Variants in MAPK10 observed in about 807,000 individuals in gnomAD.
MAPK10 encodes mitogen-activated protein kinase 10.
A neutral mutation model predicts 59.3 loss-of-function variants in MAPK10; 25 were observed. That is an observed-to-expected ratio of 0.42 (90% CI 0.31 to 0.59). The LOEUF (loss-of-function observed/expected upper bound fraction) is 0.59. Among genes scored for constraint, MAPK10 ranks in the 20% least tolerant of loss-of-function variants. The pLI is 0.15. For synonymous variants in MAPK10, 190 were observed against 200.5 expected, an observed-to-expected ratio of 0.95 and a Z score of 0.44; for missense variants, 351 against 568.9, an observed-to-expected ratio of 0.62 and a Z score of 3.90.
intron 4 of MAPK10, among the ~76,000 whole-genome samples, chr4:86,156,297 A>T (rs997493951): frequency 6.6e-6 from 1 of 152,060 alleles, no homozygotes; most frequent in Admixed American, 6.6e-5. Flanking sequence ...AGGTTGGTTA[A>T]CATAAAATGT....
At chr4:86,480,660 CCTG>C (rs1428698686) in intron 1 of MAPK10, among the ~76,000 whole-genome samples, 1 of 152,048 alleles carries the variant, frequency 6.6e-6, no homozygotes, top group Non-Finnish European at 1.5e-5. Flanking sequence ...TTCCATAACC[CCTG>C]CTGGAGTTCA....
intron 2 of MAPK10, among the ~76,000 whole-genome samples, chr4:86,336,956 A>T (rs2148928396): frequency 6.6e-6 from 1 of 151,826 alleles, no homozygotes; most frequent in Middle Eastern, 3.4e-3. Flanking sequence ...GCGCCTGCTA[A>T]TTTTTTGTAT....
chr4:86,547,561 C>G (rs112182065), intron 1 of MAPK10, among the ~76,000 whole-genome samples: 5 of 152,148 alleles, frequency 3.3e-5, no homozygotes, highest in Admixed American at 6.5e-5. Flanking sequence ...GCTCCTGTGC[C>G]GCGGAGCCTC....
At chr4:86,246,283 T>C (rs893597324) in intron 2 of MAPK10, among the ~76,000 whole-genome samples, 1 of 151,978 alleles carries the variant, frequency 6.6e-6, no homozygotes, top group Non-Finnish European at 1.5e-5. Flanking sequence ...CACAAAAAAT[T>C]AGCCAGGCAT....
rs538760386 is a variant in MAPK10 at position 86,047,459 on chromosome 4, A to G, written c.1111-16028T>C. Among the ~76,000 whole-genome samples, 4 of 152,284 alleles carry G rather than the reference A, an allele frequency of 2.6e-5. No individual in the cohort carries two copies. The South Asian group carries it at 6.2e-4, about 24-fold the overall frequency. On this transcript the variant is annotated intron_variant, in intron 11 of 13. Coordinates refer to ENST00000641462, the MANE Select transcript of MAPK10 (RefSeq NM_138982.4). Reference sequence around the variant, plus strand: ...TGCCATATACTGGTGCAGAGTGGAAAAGGGAAGCCTAAAGGTGATATCAGA... The same window carrying G: ...TGCCATATACTGGTGCAGAGTGGAAGAGGGAAGCCTAAAGGTGATATCAGA...
At chr4:86,322,321 A>G (rs2095914058) in intron 2 of MAPK10, among the ~76,000 whole-genome samples, 1 of 152,214 alleles carries the variant, frequency 6.6e-6, no homozygotes, top group Non-Finnish European at 1.5e-5. Flanking sequence ...TTACACATGA[A>G]GCATTTTAGA....
rs1203939516 is a variant in MAPK10 at position 86,172,439 on chromosome 4, T to C, written c.67-12972A>G. Reference sequence around the variant, plus strand: ...GTCCTTTGTAGGGACATGGATGAAATTGGAAATCATCATTCACAGTAAACT... The same window carrying C: ...GTCCTTTGTAGGGACATGGATGAAACTGGAAATCATCATTCACAGTAAACT... On this transcript the variant is annotated intron_variant, in intron 3 of 13. Transcript: ENST00000641462. 4.6e-5 allele frequency among the ~76,000 whole-genome samples: 7 copies of C among 150,724 alleles called. No individual in the cohort carries two copies. In the East Asian group the frequency reaches 7.8e-4, roughly 17 times the overall value.
chr4:86,350,475 A>G (rs576374110), intron 2 of MAPK10, among the ~76,000 whole-genome samples: 18 of 152,120 alleles, frequency 1.2e-4, no homozygotes, highest in South Asian at 6.2e-4. Flanking sequence ...CGGCCTCCCA[A>G]AGTGCTGGGA....
intron 11 of MAPK10, among the ~76,000 whole-genome samples, chr4:86,034,793 G>A (rs570935558): frequency 2.0e-5 from 3 of 152,216 alleles, no homozygotes; most frequent in African/African-American, 7.2e-5. Flanking sequence ...TTCAGTGAGC[G>A]AAAGATGTGT....
chr4:86,547,115 C>T (rs1399790533), intron 1 of MAPK10, among the ~76,000 whole-genome samples: 1 of 152,220 alleles, frequency 6.6e-6, no homozygotes, highest in Non-Finnish European at 1.5e-5. Context: ...GACTAGTTAT[C>T]CTCTGCTTTT....
Position 86,073,972 on chromosome 4 carries a change from C to G in MAPK10, c.803-6017G>C, listed in dbSNP as rs745882195. ...CTTGTTGACTTTCTGTCTCGTTGATCTGTCTAATGTTGACAGTGGGGTGTT... is the reference window on the plus strand; with the variant it reads ...CTTGTTGACTTTCTGTCTCGTTGATGTGTCTAATGTTGACAGTGGGGTGTT... On this transcript the variant is annotated intron_variant, in intron 9 of 13. Transcript: ENST00000641462. Among the ~76,000 whole-genome samples, 466 of 100,886 alleles carry G rather than the reference C, an allele frequency of 4.6e-3. 19 individuals are homozygous for G. The highest frequency in any genetic ancestry group is 7.8e-3 in the Non-Finnish European group (381 of 48,634). The allele number at this position is 100,886 out of a possible 152,430, so 66.2% of individuals were successfully genotyped here.
At chr4:86,287,135 G>C (rs2095045209) in intron 2 of MAPK10, among the ~76,000 whole-genome samples, 2 of 152,002 alleles carry the variant, frequency 1.3e-5, no homozygotes, top group African/African-American at 4.8e-5. Context: ...TAAGGAAAGA[G>C]GATCATGAAA....
At chr4:86,052,481 A>C (rs1033985158) in intron 11 of MAPK10, among the ~76,000 whole-genome samples, 3 of 152,064 alleles carry the variant, frequency 2.0e-5, no homozygotes, top group African/African-American at 7.2e-5. Context: ...TATTGATAGA[A>C]AATTTTGGGA....
intron 4 of MAPK10, among the ~76,000 whole-genome samples, chr4:86,153,183 G>C (rs372147671): frequency 6.6e-6 from 1 of 152,116 alleles, no homozygotes; most frequent in Non-Finnish European, 1.5e-5. Context: ...TAATCTTTAG[G>C]AGGGAAGTTG....
At chr4:86,583,307 G>C (rs1037735184) in intron 1 of MAPK10, among the ~76,000 whole-genome samples, 14 of 152,074 alleles carry the variant, frequency 9.2e-5, no homozygotes, top group African/African-American at 3.1e-4. Flanking sequence ...ACAGGCGTGA[G>C]TCACCACGCC....
chr4:86,180,387 T>G (rs187289650), intron 3 of MAPK10, among the ~76,000 whole-genome samples: 9 of 151,408 alleles, frequency 5.9e-5, no homozygotes, highest in Admixed American at 4.0e-4. Context: ...TTGGTGGGAA[T>G]GTAAACTAGT....
At chr4:86,107,084 G>C (rs2056678635) in intron 5 of MAPK10, 139 bp downstream of exon 5, 1 of 613,346 alleles carries the variant, frequency 1.6e-6, no homozygotes. Flanking sequence ...ATCGAATGTA[G>C]CATATTGGCA....
chr4:86,240,389 G>A (rs1429357634), intron 2 of MAPK10, among the ~76,000 whole-genome samples: 1 of 152,132 alleles, frequency 6.6e-6, no homozygotes, highest in Non-Finnish European at 1.5e-5. Flanking sequence ...CTGAGTTCAC[G>A]TCCCAAATAT....
intron 4 of MAPK10, among the ~76,000 whole-genome samples, chr4:86,115,765 G>T (rs2058212008): frequency 6.6e-6 from 1 of 152,132 alleles, no homozygotes; most frequent in Non-Finnish European, 1.5e-5. Flanking sequence ...CCGGCCTGGA[G>T]CTGCTTCTAA....
Sources: gnomAD v4.1 joint callset for allele counts (sites outside exome capture counted in the v4.1 genomes callset) on GRCh38, gnomAD v4.1.1 for gene constraint, MANE v1.5 for transcripts, NCBI Gene and HGNC (gene_info 2026-07-23, HGNC 2026-07-21) for gene names.